The following RNF38 variants were observed in gnomAD, a reference collection of about 807,000 sequenced individuals.
RNF38 encodes the protein E3 ubiquitin-protein ligase RNF38.
A neutral mutation model predicts 67.2 loss-of-function variants in RNF38; 15 were observed. That is an observed-to-expected ratio of 0.22 (90% CI 0.15 to 0.34). The LOEUF (loss-of-function observed/expected upper bound fraction) is 0.34, where lower values mean the gene tolerates loss of function less well. RNF38 is among the 10% of genes least tolerant of loss of function. The pLI, the probability that RNF38 is intolerant of heterozygous loss-of-function variation, is 1.00. For missense variants in RNF38, 524 were observed against 639.9 expected (o/e 0.82, Z 1.95); for synonymous variants, 220 against 218.8 (o/e 1.01, Z -0.05).
chr9:36,400,312 T>G (rs1425878422), upstream of RNF38: 1 of 1,269,706 alleles, frequency 7.9e-7, no homozygotes, highest in Non-Finnish European at 1.0e-6. Context: ...TTCTCCTGGG[T>G]GACATCATTT....
intron 2 of RNF38, among the ~76,000 whole-genome samples, chr9:36,377,562 G>T (rs1270619928): frequency 6.6e-6 from 1 of 151,918 alleles, no homozygotes; most frequent in Non-Finnish European, 1.5e-5. Flanking sequence ...AAACACAAAA[G>T]CATTTTGTTC....
At chr9:36,443,517 A>C (rs532837779) in intron 1 of RNF38, among the ~76,000 whole-genome samples, 4 of 152,270 alleles carry the variant, frequency 2.6e-5, no homozygotes, top group African/African-American at 9.6e-5. Flanking sequence ...TACAACAACC[A>C]CTCAGTTGTT....
chr9:36,467,305 C>A (rs1199271855), intron 1 of RNF38, among the ~76,000 whole-genome samples: 3 of 145,714 alleles, frequency 2.1e-5, no homozygotes, highest in Non-Finnish European at 4.5e-5. Context: ...GTGAAATTAT[C>A]TTTTCCAACT....
chr9:36,446,803 G>A (rs1349038018), intron 1 of RNF38, among the ~76,000 whole-genome samples: 2 of 79,516 alleles, frequency 2.5e-5, no homozygotes, highest in East Asian at 4.5e-4. Flanking sequence ...GTGAGACTCC[G>A]CCTCAAGAAA....
intron 2 of RNF38, among the ~76,000 whole-genome samples, chr9:36,423,923 T>A (rs1587112602): frequency 5.3e-5 from 1 of 18,960 alleles, no homozygotes; most frequent in Admixed American, 5.0e-4. Flanking sequence ...CACTCCAGCC[T>A]GGGCGACAGA....
At chr9:36,400,792 C>T, upstream of RNF38, 1 of 985,556 alleles carries the variant, frequency 1.0e-6, no homozygotes. Flanking sequence ...ATGACAGAGT[C>T]GCCTAACGCC....
At chr9:36,455,910 CAA>C (rs557637828) in intron 1 of RNF38, among the ~76,000 whole-genome samples, 21 of 94,140 alleles carry the variant, frequency 2.2e-4, no homozygotes, top group Admixed American at 3.4e-4. Flanking sequence ...GACTCCACCT[CAA>C]AAAAAAAAAA....
At chr9:36,379,413 C>T (rs1836034856) in intron 2 of RNF38, among the ~76,000 whole-genome samples, 1 of 151,972 alleles carries the variant, frequency 6.6e-6, no homozygotes. Context: ...CATCAGACTT[C>T]CTATAGCAGA....
At chr9:36,372,577 A>C (rs1835470457) in intron 3 of RNF38, 1 of 715,432 alleles carries the variant, frequency 1.4e-6, no homozygotes, top group East Asian at 2.7e-5. Flanking sequence ...AAATCTGGCA[A>C]TATGCTTATA....
At chr9:36,437,582 C>G (rs1839099491) in intron 1 of RNF38, among the ~76,000 whole-genome samples, 2 of 150,734 alleles carry the variant, frequency 1.3e-5, no homozygotes, top group Admixed American at 1.3e-4. Context: ...AGAAGAGGCG[C>G]AGACAAATCA....
In RNF38 at chr9:36,387,154, A is replaced by G. The variant is rs541712900; in HGVS notation, c.162+3313T>C. ...GAATAATCCACCCCGTGTTTAACAC[A>G]TAATCAAGAAATAACCATAAAAATG... is the stretch of plus-strand genomic sequence containing the variant. On this transcript the variant is annotated intron_variant, in intron 2 of 11. Transcript: ENST00000259605. 2.6e-5 allele frequency among the ~76,000 whole-genome samples: 4 copies of G among 152,322 alleles called. No homozygotes were observed. In the South Asian group the frequency reaches 8.3e-4, roughly 32 times the overall value.
rs533544698 is a variant in RNF38 at position 36,481,288 on chromosome 9, T to G, written n.241+6020A>C. ...CCTCGACCTCCCAAAGTGCTGGGAT[T>G]ACAGGCATGAGCCACCACACCAGCT... is the stretch of plus-strand genomic sequence containing the variant. On this transcript the variant is annotated intron_variant and non_coding_transcript_variant, in intron 1 of 3. Coordinates refer to the RNF38 transcript ENST00000488058. Among the ~76,000 whole-genome samples the G allele has an allele frequency of 5.3e-5, 8 of 152,326 alleles. No homozygotes were observed. The East Asian group carries it at 1.2e-3, about 22-fold the overall frequency.
chr9:36,422,694 G>A (rs1056398396), intron 2 of RNF38, among the ~76,000 whole-genome samples: 1 of 152,138 alleles, frequency 6.6e-6, no homozygotes, highest in Non-Finnish European at 1.5e-5. Context: ...TGGTAGGCAG[G>A]AAGAAAGGAG....
intron 6 of RNF38, among the ~76,000 whole-genome samples, chr9:36,355,928 C>T (rs1834068355): frequency 6.6e-6 from 1 of 152,110 alleles, no homozygotes; most frequent in Non-Finnish European, 1.5e-5. Flanking sequence ...CTCGCTGCAA[C>T]CTCTGCCTCC....
intron 1 of RNF38, among the ~76,000 whole-genome samples, chr9:36,440,610 A>T (rs1839171547): frequency 6.6e-6 from 1 of 152,186 alleles, no homozygotes; most frequent in South Asian, 2.1e-4. Flanking sequence ...TTAAGTGGAA[A>T]AAAAAAGCAA....
intron 5 of RNF38, among the ~76,000 whole-genome samples, chr9:36,356,980 G>GTT: frequency 6.6e-6 from 1 of 152,180 alleles, no homozygotes; most frequent in Admixed American, 6.5e-5. Flanking sequence ...CTAAGCCTGA[G>GTT]TAAATTAATC....
At chr9:36,473,060 A>C (rs1840033047) in intron 1 of RNF38, among the ~76,000 whole-genome samples, 1 of 152,150 alleles carries the variant, frequency 6.6e-6, no homozygotes, top group South Asian at 2.1e-4. Context: ...TGAACCCAGG[A>C]GGCGGAAGCT....
intron 4 of RNF38, among the ~76,000 whole-genome samples, chr9:36,362,759 G>C (rs747232660): frequency 6.6e-6 from 1 of 151,880 alleles, no homozygotes; most frequent in Non-Finnish European, 1.5e-5. Flanking sequence ...TCAGCCTTCC[G>C]AGTAGCTGGG....
chr9:36,444,240 A>AG (rs1250225229), intron 1 of RNF38, among the ~76,000 whole-genome samples: 1 of 152,180 alleles, frequency 6.6e-6, no homozygotes, highest in Admixed American at 6.6e-5. Flanking sequence ...AAGGACGGTG[A>AG]AAGATCAGGA....
Sources: allele counts gnomAD v4.1 joint callset (sites outside exome capture counted in the v4.1 genomes callset), GRCh38; gene constraint gnomAD v4.1.1; transcripts MANE v1.5; gene names NCBI Gene and HGNC (gene_info 2026-07-23, HGNC 2026-07-21).